Variants in SND1 observed in about 807,000 individuals in gnomAD.
The protein encoded by SND1 is staphylococcal nuclease domain-containing protein 1.
Under a neutral mutation model 121.7 loss-of-function variants are expected in SND1, and 38 were observed. The ratio of observed to expected loss-of-function variants is 0.31; its 90% CI spans 0.24 to 0.41. The LOEUF (loss-of-function observed/expected upper bound fraction) is 0.41. Ranked by LOEUF, SND1 falls within the 10% of genes least tolerant of loss-of-function variation. SND1 has a pLI of 1.00. For synonymous variants in SND1, 401 were observed against 447.4 expected, an observed-to-expected ratio of 0.90 and a Z score of 1.31; for missense variants, 868 against 1,184.6, an observed-to-expected ratio of 0.73 and a Z score of 3.92.
intron 14 of SND1, among the ~76,000 whole-genome samples, chr7:127,915,341 T>C (rs1386827289): frequency 6.6e-6 from 1 of 152,208 alleles, no homozygotes; most frequent in Non-Finnish European, 1.5e-5. Context: ...AAATGAGAGC[T>C]GTCATTATCA....
chr7:128,065,924 C>T (rs1358824812), intron 16 of SND1, among the ~76,000 whole-genome samples: 2 of 152,234 alleles, frequency 1.3e-5, no homozygotes, highest in Non-Finnish European at 2.9e-5. Context: ...CTGATTCTAG[C>T]CACATCCCTG....
intron 1 of SND1, among the ~76,000 whole-genome samples, chr7:127,653,920 A>G (rs1795167529): frequency 6.6e-6 from 1 of 152,212 alleles, no homozygotes; most frequent in South Asian, 2.1e-4. Flanking sequence ...GACCTGACCC[A>G]TGAAAGGATT....
At chr7:127,693,859 A>G (rs761381679) in intron 2 of SND1, among the ~76,000 whole-genome samples, 28 of 152,214 alleles carry the variant, frequency 1.8e-4, no homozygotes, top group Admixed American at 8.5e-4. Flanking sequence ...TATAAGTTCA[A>G]GTGCCAGTGG....
chr7:128,014,831 T>C (rs1047436353), intron 16 of SND1, among the ~76,000 whole-genome samples: 2 of 152,166 alleles, frequency 1.3e-5, no homozygotes, highest in Admixed American at 1.3e-4. Context: ...GCTCAAAGAA[T>C]GCTTCCCTGT....
At chr7:127,975,356 CGT>C (rs906692680) in intron 15 of SND1, among the ~76,000 whole-genome samples, 3 of 150,420 alleles carry the variant, frequency 2.0e-5, no homozygotes, top group Non-Finnish European at 4.4e-5. Flanking sequence ...TGCGCACGCG[CGT>C]GTGTATGTGA....
Position 127,721,384 on chromosome 7 carries a change from A to AG in SND1, c.1141dup (p.Glu381GlyfsTer6). ...TCCAGCATCCGACCACCGAGGCTGG[A>AG]GGGGGAGAACACCCAGGTGAGAATA... On this transcript the variant is annotated frameshift_variant, in exon 10 of 24. Transcript: ENST00000354725. LOFTEE classifies it high-confidence loss of function. 1 of 1,610,792 alleles carries AG rather than the reference A, an allele frequency of 6.2e-7. No individual in the cohort carries two copies. The highest frequency in any genetic ancestry group is 8.5e-7 in the Non-Finnish European group (1 of 1,178,642).
chr7:127,941,889 G>GTTTTTTTT (rs34389081), intron 15 of SND1, among the ~76,000 whole-genome samples: 1 of 100,234 alleles, frequency 1.0e-5, no homozygotes, highest in Non-Finnish European at 2.0e-5. Flanking sequence ...TTGATAGGGA[G>GTTTTTTTT]TTTTTTTTTT....
At chr7:127,822,191 T>C (rs1017678847) in intron 11 of SND1, among the ~76,000 whole-genome samples, 4 of 152,242 alleles carry the variant, frequency 2.6e-5, no homozygotes, top group Non-Finnish European at 4.4e-5. Context: ...CTTTCAGGGT[T>C]ATTTTAGGCC....
At chr7:127,707,800 TG>T (rs1201500094) in intron 9 of SND1, among the ~76,000 whole-genome samples, 153 bp downstream of exon 9, 2 of 151,874 alleles carry the variant, frequency 1.3e-5, no homozygotes, top group African/African-American at 4.8e-5. Flanking sequence ...TGTGTGTGTG[TG>T]TGTGTGTGTG....
At chr7:127,665,456 G>T (rs921564261) in intron 1 of SND1, among the ~76,000 whole-genome samples, 1 of 151,948 alleles carries the variant, frequency 6.6e-6, no homozygotes, top group Admixed American at 6.6e-5. Flanking sequence ...CGAAGTGCTG[G>T]GATTACAGGC....
intron 16 of SND1, among the ~76,000 whole-genome samples, chr7:128,031,296 TCCGGCGGCCCCGGCCCGC>T (rs1041859317): frequency 2.1e-5 from 3 of 141,864 alleles, no homozygotes; most frequent in African/African-American, 7.5e-5. Flanking sequence ...CAAAGTGCGC[TCCGGCGGCCCCGGCCCGC>T]TCTGCGGGCC....
intron 4 of SND1, among the ~76,000 whole-genome samples, chr7:127,700,731 A>C (rs1017609283): frequency 1.3e-5 from 2 of 152,134 alleles, no homozygotes; most frequent in Non-Finnish European, 2.9e-5. Flanking sequence ...CACATTCCTC[A>C]GCCTTGTTCT....
chr7:127,987,755 C>T (rs756694102), intron 15 of SND1, among the ~76,000 whole-genome samples: 24 of 142,644 alleles, frequency 1.7e-4, no homozygotes, highest in African/African-American at 2.7e-4. Flanking sequence ...GTGTCATAGC[C>T]GTTTTGTTTT....
chr7:127,668,687 G>A (rs967573681), intron 1 of SND1, among the ~76,000 whole-genome samples: 2 of 152,170 alleles, frequency 1.3e-5, no homozygotes, highest in Non-Finnish European at 2.9e-5. Context: ...GTGAATGAAA[G>A]CCGAACCCCT....
chr7:127,834,611 G>A (rs765409553), intron 11 of SND1, among the ~76,000 whole-genome samples: 1 of 152,024 alleles, frequency 6.6e-6, no homozygotes, highest in East Asian at 1.9e-4. Context: ...ATAGAGGGAT[G>A]GTGTGGTATG....
chr7:127,825,443 T>C (rs1169763721), intron 11 of SND1, among the ~76,000 whole-genome samples: 2 of 151,564 alleles, frequency 1.3e-5, no homozygotes, highest in African/African-American at 4.9e-5. Flanking sequence ...ATTTTGTTCT[T>C]GTTGCCCAGG....
At chr7:127,799,596 C>A (rs1456644687) in intron 10 of SND1, among the ~76,000 whole-genome samples, 1 of 152,208 alleles carries the variant, frequency 6.6e-6, no homozygotes, top group Non-Finnish European at 1.5e-5. Flanking sequence ...CTTCTAACCT[C>A]ACACCTGTAC....
At chr7:127,776,820 G>A (rs1306715919) in intron 10 of SND1, among the ~76,000 whole-genome samples, 2 of 152,172 alleles carry the variant, frequency 1.3e-5, no homozygotes, top group African/African-American at 4.8e-5. Context: ...AGGTGTTGGG[G>A]TTGCATTCAC....
At chr7:127,716,447 T>G (rs1796391428) in intron 9 of SND1, among the ~76,000 whole-genome samples, 1 of 152,138 alleles carries the variant, frequency 6.6e-6, no homozygotes, top group South Asian at 2.1e-4. Flanking sequence ...TTCCTAAGTA[T>G]TTTGTTCTTT....
Sources: gnomAD v4.1 joint callset for allele counts (sites outside exome capture counted in the v4.1 genomes callset) on GRCh38, gnomAD v4.1.1 for gene constraint, MANE v1.5 for transcripts, NCBI Gene and HGNC (gene_info 2026-07-23, HGNC 2026-07-21) for gene names.